TMOD2: variants seen among roughly 807,000 people sequenced by gnomAD.
The protein encoded by TMOD2 is tropomodulin 2.
Under a neutral mutation model 39.9 loss-of-function variants are expected in TMOD2, and 22 were observed. The observed-to-expected ratio is 0.55, with a 90% CI of 0.39 to 0.79. TMOD2 has a LOEUF of 0.79. Among genes scored for constraint, TMOD2 ranks in the 30% least tolerant of loss-of-function variants. The pLI, the probability that TMOD2 is intolerant of heterozygous loss-of-function variation, is 0.00. For missense variants in TMOD2, 386 were observed against 413.3 expected, an observed-to-expected ratio of 0.93 and a Z score of 0.57; for synonymous variants, 123 against 146.1, an observed-to-expected ratio of 0.84 and a Z score of 1.14.
intron 1 of TMOD2, among the ~76,000 whole-genome samples, chr15:51,757,540 C>G (rs1595860213): frequency 6.6e-6 from 1 of 152,144 alleles, no homozygotes; most frequent in South Asian, 2.1e-4. Flanking sequence ...TTTCTGTTTT[C>G]CTAACTGGCT....
At chr15:51,761,436 C>T (rs865857078) in intron 1 of TMOD2, among the ~76,000 whole-genome samples, 1 of 152,018 alleles carries the variant, frequency 6.6e-6, no homozygotes. Context: ...CAATAGAAAT[C>T]CAAATAGAGG....
chr15:51,806,339 C>T (rs2056121136), intron 8 of TMOD2, 38 bp from the exon 9 acceptor site: 1 of 1,607,698 alleles, frequency 6.2e-7, no homozygotes, highest in Non-Finnish European at 8.5e-7. Flanking sequence ...CCTCTTCCTT[C>T]TTGGTCATCC....
intron 3 of TMOD2, among the ~76,000 whole-genome samples, chr15:51,770,948 A>G (rs2055849940): frequency 6.6e-6 from 1 of 152,364 alleles, no homozygotes. Flanking sequence ...TATAATGTCA[A>G]ATCTTCAATG....
chr15:51,784,366 G>A (rs1422547387), intron 7 of TMOD2: 11 of 152,234 alleles, frequency 7.2e-5, no homozygotes, highest in African/African-American at 2.7e-4. Context: ...AAAGTAACAT[G>A]TCTTTTGGAA....
At chr15:51,768,656 T>C (rs926033239) in intron 3 of TMOD2, among the ~76,000 whole-genome samples, 1 of 149,308 alleles carries the variant, frequency 6.7e-6, no homozygotes, top group Non-Finnish European at 1.5e-5. Flanking sequence ...ATGAACTGGA[T>C]TCAGTATTTA....
At chr15:51,798,377 AG>A (rs1447783099) in intron 8 of TMOD2, 37 bp downstream of exon 8, 6 of 1,605,092 alleles carry the variant, frequency 3.7e-6, no homozygotes, top group East Asian at 4.5e-5. Context: ...GTCAACTCAC[AG>A]GGTGTGCAGT....
chr15:51,787,202 C>T (rs1034802471), intron 7 of TMOD2, among the ~76,000 whole-genome samples: 4 of 152,258 alleles, frequency 2.6e-5, no homozygotes, highest in East Asian at 1.9e-4. Flanking sequence ...GCAGGTCCCA[C>T]GCCCACAGAG....
At chr15:51,800,878 A>C (rs778741914) in intron 8 of TMOD2, among the ~76,000 whole-genome samples, 2 of 151,932 alleles carry the variant, frequency 1.3e-5, no homozygotes, top group Non-Finnish European at 2.9e-5. Context: ...GCTAATTTTT[A>C]AATTTTTGTA....
chr15:51,755,274 G>A (rs1415689975), intron 1 of TMOD2, among the ~76,000 whole-genome samples: 1 of 152,192 alleles, frequency 6.6e-6, no homozygotes, highest in East Asian at 1.9e-4. Flanking sequence ...GCCATTTTGA[G>A]TTCCTTGGCC....
intron 1 of TMOD2, among the ~76,000 whole-genome samples, chr15:51,756,667 T>C (rs1482609726): frequency 1.3e-5 from 2 of 152,234 alleles, no homozygotes; most frequent in Non-Finnish European, 2.9e-5. Context: ...ATTTAATCTT[T>C]GGCAAGTTTG....
chr15:51,811,802 T>A lies in TMOD2; in HGVS notation c.*3348T>A, dbSNP rs1213436120. On this transcript the variant is annotated 3_prime_UTR_variant, in exon 10 of 10. Coordinates refer to ENST00000249700, the MANE Select transcript of TMOD2 (RefSeq NM_014548.4). The stretch of plus-strand genomic sequence containing the variant: ...AATTGCTGCAGGCCCAGGTTAAATA[T>A]GAAATTACTCCCTAGGCTTTGCAGT... 6.7e-6 allele frequency: 1 copy of A among 149,058 alleles called. No individual in the cohort carries two copies. The highest frequency in any genetic ancestry group is 1.5e-5 in the Non-Finnish European group (1 of 67,102). 9.2% of individuals were successfully genotyped at this position (149,058 alleles called of 1,614,324 possible).
At chr15:51,791,679 C>T (rs1167884256) in intron 7 of TMOD2, among the ~76,000 whole-genome samples, 1 of 152,132 alleles carries the variant, frequency 6.6e-6, no homozygotes, top group Non-Finnish European at 1.5e-5. Flanking sequence ...TGGAACAGAA[C>T]GGATGCCTCA....
intron 5 of TMOD2, among the ~76,000 whole-genome samples, chr15:51,779,795 C>T (rs1405246623): frequency 1.3e-5 from 2 of 152,112 alleles, no homozygotes; most frequent in Non-Finnish European, 2.9e-5. Context: ...ATTCTCCCAC[C>T]TCAGTCCCCT....
At chr15:51,802,533 T>C (rs2141642777) in intron 8 of TMOD2, among the ~76,000 whole-genome samples, 1 of 152,300 alleles carries the variant, frequency 6.6e-6, no homozygotes, top group South Asian at 2.1e-4. Context: ...GAGGAGGGAC[T>C]CAGATACTTG....
rs1289585402 is a variant in TMOD2 at position 51,809,253 on chromosome 15, G to C, written c.*799G>C. On this transcript the variant is annotated 3_prime_UTR_variant, in exon 10 of 10. Coordinates refer to ENST00000249700, the MANE Select transcript of TMOD2 (RefSeq NM_014548.4). ...CATGATAGAAATTTTCTAAATTTTA[G>C]TAAGAGAGAAGCTTTTAAAACAGTA... is the stretch of plus-strand genomic sequence containing the variant. The C allele has an allele frequency of 6.6e-6, 1 of 152,606 alleles. No homozygotes were observed. The highest frequency in any genetic ancestry group is 1.5e-5 in the Non-Finnish European group (1 of 68,034). 9.5% of individuals were successfully genotyped at this position (152,606 alleles called of 1,614,324 possible).
At chr15:51,777,359 C>T (rs977648746) in intron 5 of TMOD2, among the ~76,000 whole-genome samples, 20 of 152,136 alleles carry the variant, frequency 1.3e-4, no homozygotes, top group African/African-American at 3.1e-4. Flanking sequence ...CAAAATGCAG[C>T]GTTTCATGTT....
intron 1 of TMOD2, 106 bp from the exon 2 acceptor site, chr15:51,766,267 C>T: frequency 2.1e-6 from 1 of 483,898 alleles, no homozygotes; most frequent in Non-Finnish European, 3.6e-6. Flanking sequence ...TTGAATTATT[C>T]ATTCAATACA....
rs200322767 is a variant in TMOD2, at chr15:51,761,226, CAA to C, written c.-69-5146_-69-5145del. 2.6e-3 allele frequency among the ~76,000 whole-genome samples: 397 copies of C among 150,578 alleles called. 11 individuals carry two copies. Among genetic ancestry groups the C allele is most frequent in the Admixed American group, 0.017 (258 of 14,952 alleles). ...GGTATGAAGGAACAAAAGGCTGAAA[CAA>C]GAGTGAAAAGAAGGGGTGGTGTGAA... On this transcript the variant is annotated intron_variant, in intron 1 of 9. Coordinates refer to ENST00000249700, the MANE Select transcript of TMOD2 (RefSeq NM_014548.4).
chr15:51,787,831 C>T (rs919366499), intron 7 of TMOD2, among the ~76,000 whole-genome samples: 10 of 152,210 alleles, frequency 6.6e-5, no homozygotes, highest in Admixed American at 4.6e-4. Context: ...AGCACATCCA[C>T]ACCAAAACCC....
Sources: allele counts gnomAD v4.1 joint callset (sites outside exome capture counted in the v4.1 genomes callset), GRCh38; gene constraint gnomAD v4.1.1; transcripts MANE v1.5; gene names NCBI Gene and HGNC (gene_info 2026-07-23, HGNC 2026-07-21).